Variants in MYRIP observed in about 807,000 individuals in gnomAD.
The protein encoded by MYRIP is rab effector MyRIP.
A neutral mutation model predicts 98.0 loss-of-function variants in MYRIP; 49 were observed. The ratio of observed to expected loss-of-function variants is 0.50; its 90% CI spans 0.40 to 0.63. The LOEUF is 0.63. Among genes scored for constraint, MYRIP ranks in the 30% least tolerant of loss-of-function variants. The pLI, the probability that MYRIP is intolerant of heterozygous loss-of-function variation, is 0.00. For synonymous variants in MYRIP, 404 were observed against 409.5 expected, an observed-to-expected ratio of 0.99 and a Z score of 0.16; for missense variants, 1,004 against 1,058.2, an observed-to-expected ratio of 0.95 and a Z score of 0.71.
intron 2 of MYRIP, among the ~76,000 whole-genome samples, chr3:40,030,793 A>G (rs1299606327): frequency 6.6e-6 from 1 of 152,094 alleles, no homozygotes; most frequent in Non-Finnish European, 1.5e-5. Context: ...AGAAACAGAA[A>G]GTAGATTAGT....
intron 3 of MYRIP, among the ~76,000 whole-genome samples, chr3:40,058,102 C>A (rs1947919382): frequency 6.6e-6 from 1 of 152,158 alleles, no homozygotes; most frequent in African/African-American, 2.4e-5. Context: ...AAACCATTTT[C>A]TCAATGTGTA....
At chr3:40,037,096 A>G (rs1316218242) in intron 2 of MYRIP, among the ~76,000 whole-genome samples, 3 of 151,898 alleles carry the variant, frequency 2.0e-5, no homozygotes, top group Non-Finnish European at 4.4e-5. Context: ...AGCATAGTAG[A>G]AAAAAGTCCA....
chr3:39,850,540 GCT>G (rs1281757579), intron 1 of MYRIP, among the ~76,000 whole-genome samples: 1 of 152,008 alleles, frequency 6.6e-6, no homozygotes, highest in Non-Finnish European at 1.5e-5. Context: ...ATAGTAATTT[GCT>G]CTCTTTGGAA....
intron 3 of MYRIP, among the ~76,000 whole-genome samples, chr3:40,048,191 T>C (rs943363900): frequency 2.6e-5 from 4 of 152,198 alleles, no homozygotes; most frequent in African/African-American, 9.7e-5. Context: ...TCTCAATAGT[T>C]GATAGTAGGT....
rs372200222 is a variant in MYRIP at position 40,184,954 on chromosome 3, G to A, written c.1027+2581G>A. Among the ~76,000 whole-genome samples the A allele has an allele frequency of 2.0e-5, 3 of 152,284 alleles. 1 individual carries two copies. Among genetic ancestry groups the A allele is most frequent in the South Asian group, 2.1e-4 (1 of 4,820 alleles). On this transcript the variant is annotated intron_variant, in intron 9 of 16. Coordinates refer to ENST00000302541, the MANE Select transcript of MYRIP (RefSeq NM_015460.4). ...GGGTGGAAAACTTCTGGTTTTCTGA[G>A]GAATTTTTAGCCCTTGACATGCTAA...
intron 2 of MYRIP, among the ~76,000 whole-genome samples, chr3:40,030,296 C>T (rs1214664623): frequency 1.3e-5 from 2 of 152,044 alleles, no homozygotes; most frequent in Non-Finnish European, 2.9e-5. Context: ...GAGATACCAC[C>T]TCACACCCCC....
chr3:40,040,203 A>T (rs1040908644), intron 2 of MYRIP, among the ~76,000 whole-genome samples: 2 of 152,134 alleles, frequency 1.3e-5, no homozygotes, highest in South Asian at 2.1e-4. Flanking sequence ...CTGTTCATTT[A>T]TGCAGCCAAA....
Position 39,821,348 on chromosome 3 carries a change from T to A in MYRIP, c.-31+11432T>A, listed in dbSNP as rs887783908. 4.4e-4 allele frequency among the ~76,000 whole-genome samples: 64 copies of A among 145,458 alleles called. 1 individual carries two copies. The highest frequency in any genetic ancestry group is 6.1e-5 in the Non-Finnish European group (4 of 65,958). On this transcript the variant is annotated intron_variant, in intron 1 of 16. Coordinates refer to ENST00000302541, the MANE Select transcript of MYRIP (RefSeq NM_015460.4). ...ACCCCTGTACCACCCCGCCCCGACT[T>A]AGTGCCTTCTTTGCCTTTTGGCCAA...
At chr3:40,167,559 C>T (rs1950524610) in intron 7 of MYRIP, among the ~76,000 whole-genome samples, 1 of 152,178 alleles carries the variant, frequency 6.6e-6, no homozygotes, top group Non-Finnish European at 1.5e-5. Flanking sequence ...AGCCAATTCT[C>T]CAACACCAAC....
At chr3:40,003,145 A>G (rs1427743198) in intron 2 of MYRIP, among the ~76,000 whole-genome samples, 1 of 151,908 alleles carries the variant, frequency 6.6e-6, no homozygotes, top group Admixed American at 6.6e-5. Context: ...ATATATATCT[A>G]GACATCTATA....
Position 39,889,773 on chromosome 3 carries a change from G to T in MYRIP, c.-30-11014G>T, listed in dbSNP as rs76701024. Among the ~76,000 whole-genome samples, 1,292 of 152,182 alleles carry T rather than the reference G, an allele frequency of 8.5e-3. 44 individuals are homozygous for T. The highest frequency in any genetic ancestry group is 0.065 in the Admixed American group (994 of 15,272). ...TTAAAATTTATGTTGAATTTATTCA[G>T]TGTTTTTAATGACTTCTGAATTTTG... On this transcript the variant is annotated intron_variant, in intron 1 of 16. Coordinates refer to ENST00000302541, the MANE Select transcript of MYRIP (RefSeq NM_015460.4).
chr3:39,901,055 G>T, intron 2 of MYRIP, 129 bp downstream of exon 2: 1 of 639,648 alleles, frequency 1.6e-6, no homozygotes, highest in South Asian at 2.0e-5. Flanking sequence ...AGAATGTCCT[G>T]TCCTTTGTAG....
At chr3:39,906,602 CT>C (rs373843803) in intron 2 of MYRIP, among the ~76,000 whole-genome samples, 8 of 152,228 alleles carry the variant, frequency 5.3e-5, no homozygotes, top group African/African-American at 1.9e-4. Flanking sequence ...TTTTCCATAC[CT>C]TTATTCTCTC....
At chr3:39,933,436 G>T (rs1030634298) in intron 2 of MYRIP, among the ~76,000 whole-genome samples, 1 of 152,174 alleles carries the variant, frequency 6.6e-6, no homozygotes, top group Non-Finnish European at 1.5e-5. Flanking sequence ...TTCAAAAGTT[G>T]CCCTGTAGGT....
intron 1 of MYRIP, among the ~76,000 whole-genome samples, chr3:39,833,314 T>A (rs189816718): frequency 4.6e-4 from 70 of 152,242 alleles, no homozygotes; most frequent in Non-Finnish European, 9.0e-4. Flanking sequence ...GGGGGGTTAA[T>A]GAAAATCTTC....
At chr3:40,076,926 A>G (rs1162058725) in intron 3 of MYRIP, among the ~76,000 whole-genome samples, 3 of 152,216 alleles carry the variant, frequency 2.0e-5, no homozygotes, top group Non-Finnish European at 4.4e-5. Context: ...TAGAAAAAGG[A>G]AACATAGTTA....
At position 40,190,271 on chromosome 3, in the gene MYRIP, T is replaced by C. The variant is rs780544613; in HGVS notation, c.1473T>C (p.His491=). The C allele has an allele frequency of 1.2e-6, 2 of 1,613,846 alleles. No individual in the cohort carries two copies. Among genetic ancestry groups the C allele is most frequent in the Non-Finnish European group, 8.5e-7 (1 of 1,179,980 alleles). ...CTGCAGCTGAGAAGATGCGCTTGCA[T>C]GGAGAGCTGGACGTGAACTTCAACC... ...RNPAAEKMRL[H]GELDVNFNPQ... Residue 491 remains histidine, a synonymous_variant, in exon 10 of 17, where the codon CAT becomes CAC. Coordinates refer to ENST00000302541, the MANE Select transcript of MYRIP (RefSeq NM_015460.4).
Position 39,935,982 on chromosome 3 carries a change from G to A in MYRIP, c.110+35056G>A, listed in dbSNP as rs2068799. ...TTAAAAAATTTCAGAAACAAAATAA[G>A]TCCTTAATTTGGCAATTTCAACACC... On this transcript the variant is annotated intron_variant, in intron 2 of 16. Transcript: ENST00000302541. Among the ~76,000 whole-genome samples the A allele has an allele frequency of 3.2e-3, 493 of 152,224 alleles. 4 individuals carry two copies. The highest frequency in any genetic ancestry group is 0.011 in the African/African-American group (464 of 41,510).
chr3:40,068,855 C>A (rs1462404194), intron 3 of MYRIP, among the ~76,000 whole-genome samples: 3 of 152,188 alleles, frequency 2.0e-5, no homozygotes, highest in Non-Finnish European at 4.4e-5. Flanking sequence ...AGTTGCAGGG[C>A]GGAACATTCA....
Sources: gnomAD v4.1 joint callset for allele counts (sites outside exome capture counted in the v4.1 genomes callset) on GRCh38, gnomAD v4.1.1 for gene constraint, MANE v1.5 for transcripts, NCBI Gene and HGNC (gene_info 2026-07-23, HGNC 2026-07-21) for gene names.